Variants in SYNPR observed in about 807,000 individuals in gnomAD.
SYNPR encodes synaptoporin.
Under a neutral mutation model 32.9 loss-of-function variants are expected in SYNPR, and 23 were observed. The observed-to-expected ratio is 0.70, with a 90% CI of 0.50 to 0.99. SYNPR has a LOEUF of 0.99. SYNPR is among the 50% of genes least tolerant of loss of function. SYNPR has a pLI of 0.00. For missense variants in SYNPR, 318 were observed against 349.3 expected, an observed-to-expected ratio of 0.91 and a Z score of 0.71; for synonymous variants, 146 against 135.9, an observed-to-expected ratio of 1.07 and a Z score of -0.52.
chr3:63,472,945 T>C (rs1380592115), intron 2 of SYNPR, among the ~76,000 whole-genome samples: 1 of 152,140 alleles, frequency 6.6e-6, no homozygotes, highest in East Asian at 1.9e-4. Context: ...CATCCATAAA[T>C]AGATGAAGAG....
At chr3:63,460,014 C>T (rs1488916649) in intron 2 of SYNPR, among the ~76,000 whole-genome samples, 1 of 152,114 alleles carries the variant, frequency 6.6e-6, no homozygotes, top group Non-Finnish European at 1.5e-5. Context: ...CAGATGACTG[C>T]AACATCCCAT....
intron 1 of SYNPR, among the ~76,000 whole-genome samples, chr3:63,250,210 G>A (rs900170655): frequency 6.6e-6 from 1 of 152,096 alleles, no homozygotes; most frequent in African/African-American, 2.4e-5. Flanking sequence ...CAAAGGAATT[G>A]TAAATGTTTG....
intron 2 of SYNPR, among the ~76,000 whole-genome samples, chr3:63,343,972 A>G (rs182764362): frequency 9.8e-5 from 15 of 152,356 alleles, no homozygotes; most frequent in South Asian, 2.1e-4. Flanking sequence ...AAATGCAGCC[A>G]AACCCCCGAG....
At chr3:63,581,461 T>G (rs1184573640) in intron 4 of SYNPR, among the ~76,000 whole-genome samples, 1 of 94,182 alleles carries the variant, frequency 1.1e-5, no homozygotes, top group East Asian at 5.4e-4. Flanking sequence ...CATGCATTTA[T>G]CAAAACGTAA....
At chr3:63,387,410 C>T (rs17068428) in intron 2 of SYNPR, among the ~76,000 whole-genome samples, 2,490 of 152,288 alleles carry the variant, frequency 0.016, 85 homozygotes, top group African/African-American at 0.055. Flanking sequence ...GCATGTCTGT[C>T]TTAATGACCT....
chr3:63,454,049 T>C (rs1377344087), intron 2 of SYNPR, among the ~76,000 whole-genome samples: 2 of 152,190 alleles, frequency 1.3e-5, no homozygotes, highest in African/African-American at 2.4e-5. Flanking sequence ...CATTAATTTA[T>C]TCATTCAGTA....
At chr3:63,222,818 G>A in the SYNPR span, among the ~76,000 whole-genome samples, 1 of 152,148 alleles carries the variant, frequency 6.6e-6, no homozygotes, top group Non-Finnish European at 1.5e-5. Flanking sequence ...TGCCCTGTCT[G>A]AGAAAAACAC....
Position 63,444,737 on chromosome 3 carries a change from T to A in SYNPR, c.85-36095T>A, listed in dbSNP as rs114640644. Among the ~76,000 whole-genome samples, 987 of 152,180 alleles carry A rather than the reference T, an allele frequency of 6.5e-3. 8 individuals are homozygous for A. The highest frequency in any genetic ancestry group is 0.023 in the African/African-American group (936 of 41,502). On this transcript the variant is annotated intron_variant, in intron 2 of 5. Transcript: ENST00000478300. ...TACTCCCTTTTGGACGTGCCACGAC[T>A]CACACACGCTGTGCACACTCCAATG...
At chr3:63,245,912 GAGTAATTTAATT>G (rs2086284204) in intron 1 of SYNPR, among the ~76,000 whole-genome samples, 1 of 151,986 alleles carries the variant, frequency 6.6e-6, no homozygotes. Flanking sequence ...CACGACCTCT[GAGTAATTTAATT>G]ATCCTGTATA....
At chr3:63,229,292 A>C (rs925269823) in intron 1 of SYNPR, among the ~76,000 whole-genome samples, 1 of 152,036 alleles carries the variant, frequency 6.6e-6, no homozygotes, top group Non-Finnish European at 1.5e-5. Context: ...GTTAAATGAG[A>C]GCAATTCACA....
intron 5 of SYNPR, among the ~76,000 whole-genome samples, chr3:63,614,576 C>A (rs2106911389): frequency 6.6e-6 from 1 of 152,318 alleles, no homozygotes; most frequent in African/African-American, 2.4e-5. Flanking sequence ...ACAGAAAGTG[C>A]AATTATTCGA....
At chr3:63,579,721 A>C (rs549891765) in intron 4 of SYNPR, among the ~76,000 whole-genome samples, 2 of 151,774 alleles carry the variant, frequency 1.3e-5, no homozygotes, top group East Asian at 1.9e-4. Context: ...TAATTTTCCC[A>C]GTTCTCATTT....
intron 2 of SYNPR, among the ~76,000 whole-genome samples, chr3:63,457,013 G>T (rs1700495103): frequency 6.6e-6 from 1 of 152,030 alleles, no homozygotes; most frequent in African/African-American, 2.4e-5. Flanking sequence ...GCTGTCTTGT[G>T]GGTGGCCTAG....
At chr3:63,365,158 G>C (rs565117790) in intron 2 of SYNPR, among the ~76,000 whole-genome samples, 1 of 152,204 alleles carries the variant, frequency 6.6e-6, no homozygotes, top group Non-Finnish European at 1.5e-5. Context: ...CAGAGCTAAT[G>C]TCAGCTGAAG....
At chr3:63,402,696 T>C (rs756520536) in intron 2 of SYNPR, among the ~76,000 whole-genome samples, 22 of 152,238 alleles carry the variant, frequency 1.4e-4, no homozygotes, top group Non-Finnish European at 2.8e-4. Context: ...CAGGCCCATC[T>C]TGCAAACCTT....
intron 2 of SYNPR, among the ~76,000 whole-genome samples, chr3:63,446,923 A>G (rs1575648798): frequency 6.6e-6 from 1 of 152,148 alleles, no homozygotes; most frequent in Admixed American, 6.5e-5. Context: ...AAAAGTTCAG[A>G]GTGCAGTACA....
intron 3 of SYNPR, among the ~76,000 whole-genome samples, chr3:63,269,076 AATAAC>A (rs1467376111): frequency 6.6e-6 from 1 of 152,256 alleles, no homozygotes; most frequent in Non-Finnish European, 1.5e-5. Context: ...CTATTTTCCT[AATAAC>A]ATAAGTATAT....
At chr3:63,433,026 C>G (rs972815912) in intron 2 of SYNPR, among the ~76,000 whole-genome samples, 1 of 152,186 alleles carries the variant, frequency 6.6e-6, no homozygotes, top group African/African-American at 2.4e-5. Context: ...TCGGGTGATT[C>G]TGATGGGCAG....
At chr3:63,371,845 T>TC (rs2087816509) in intron 2 of SYNPR, among the ~76,000 whole-genome samples, 1 of 152,188 alleles carries the variant, frequency 6.6e-6, no homozygotes, top group South Asian at 2.1e-4. Context: ...CCACAGCCCG[T>TC]CTGCCACTGG....
Sources: allele counts gnomAD v4.1 joint callset (sites outside exome capture counted in the v4.1 genomes callset), GRCh38; gene constraint gnomAD v4.1.1; transcripts MANE v1.5; gene names NCBI Gene and HGNC (gene_info 2026-07-23, HGNC 2026-07-21).